MGAT4C: variants seen among roughly 807,000 people sequenced by gnomAD.
The protein encoded by MGAT4C is MGAT4 family member C, also known as alpha-1,3-mannosyl-glycoprotein 4-beta-N-acetylglucosaminyltransferase C.
In MGAT4C, 19 loss-of-function variants were observed where a neutral mutation model predicts 40.1. That is an observed-to-expected ratio of 0.47 (90% CI 0.33 to 0.70). The LOEUF is 0.70. Among genes scored for constraint, MGAT4C ranks in the 30% least tolerant of loss-of-function variants. The pLI is 0.02. For missense variants in MGAT4C, 491 were observed against 563.2 expected (o/e 0.87, Z 1.30); for synonymous variants, 181 against 187.1 (o/e 0.97, Z 0.27).
In MGAT4C at chr12:86,497,433, T is replaced by C. The variant is rs527718594; in HGVS notation, c.-228-62168A>G. 5.9e-5 allele frequency among the ~76,000 whole-genome samples: 9 copies of C among 152,024 alleles called. No homozygotes were observed. In the South Asian group the frequency reaches 1.7e-3, roughly 28 times the overall value. The stretch of plus-strand genomic sequence containing the variant: ...ATAATAATGTTAAAAACAAGGAAAT[T>C]GTTACTTTTATTGTGCTCATTGATA... On this transcript the variant is annotated intron_variant, in intron 2 of 7. Coordinates refer to the MGAT4C transcript ENST00000548651.
At chr12:86,520,685 T>C (rs755154203) in intron 2 of MGAT4C, among the ~76,000 whole-genome samples, 6 of 152,170 alleles carry the variant, frequency 3.9e-5, no homozygotes, top group Admixed American at 6.5e-5. Flanking sequence ...CTAATTTATA[T>C]TCCCATCAAC....
At chr12:86,801,954 C>T (rs944129679) in intron 1 of MGAT4C, among the ~76,000 whole-genome samples, 3 of 151,702 alleles carry the variant, frequency 2.0e-5, no homozygotes, top group Admixed American at 1.3e-4. Context: ...TCAAACTGGC[C>T]CATTGTTTTC....
intron 2 of MGAT4C, among the ~76,000 whole-genome samples, chr12:86,019,707 G>T (rs1426175608): frequency 6.6e-6 from 1 of 152,232 alleles, no homozygotes; most frequent in African/African-American, 2.4e-5. Context: ...CTTTAAAGTA[G>T]TTTTTTCCAA....
rs1883023674 is a variant in MGAT4C, at chr12:85,959,982, T to C, written c.*19307A>G. 6.6e-6 allele frequency: 1 copy of C among 152,036 alleles called. No individual in the cohort carries two copies. The highest frequency in any genetic ancestry group is 1.5e-5 in the Non-Finnish European group (1 of 67,950). The allele number at this position is 152,036 out of a possible 1,614,324, so 9.4% of individuals were successfully genotyped here. On this transcript the variant is annotated 3_prime_UTR_variant, in exon 5 of 5. Transcript: ENST00000611864. Reference sequence around the variant, plus strand: ...AGATAATATCCTATTCTCCTTTTCTTATGGTTTTATTGTGAAGATCTGTGC... The same window carrying C: ...AGATAATATCCTATTCTCCTTTTCTCATGGTTTTATTGTGAAGATCTGTGC...
chr12:86,655,475 C>T (rs1963823414), intron 2 of MGAT4C, among the ~76,000 whole-genome samples: 1 of 152,028 alleles, frequency 6.6e-6, no homozygotes, highest in Admixed American at 6.6e-5. Flanking sequence ...GCACTCAGTC[C>T]TGGGCTTTCT....
chr12:86,498,628 G>C (rs950720612), intron 2 of MGAT4C, among the ~76,000 whole-genome samples: 14 of 151,880 alleles, frequency 9.2e-5, no homozygotes, highest in Admixed American at 8.6e-4. Context: ...AATAATAACT[G>C]CATAAAATTA....
At chr12:86,022,004 AT>A (rs1487553140) in intron 2 of MGAT4C, among the ~76,000 whole-genome samples, 2 of 152,216 alleles carry the variant, frequency 1.3e-5, no homozygotes, top group Non-Finnish European at 2.9e-5. Context: ...ATTACGAATC[AT>A]TTTCCTGTTT....
intron 1 of MGAT4C, among the ~76,000 whole-genome samples, chr12:86,804,743 G>A (rs921393957): frequency 7.9e-5 from 12 of 151,876 alleles, no homozygotes; most frequent in African/African-American, 2.9e-4. Context: ...AAAGAAATTT[G>A]CACATTTCTC....
At chr12:86,475,014 T>C (rs1286425845) in intron 2 of MGAT4C, among the ~76,000 whole-genome samples, 4 of 152,258 alleles carry the variant, frequency 2.6e-5, no homozygotes, top group South Asian at 4.1e-4. Flanking sequence ...AGCACTTAAC[T>C]GAATATATGT....
chr12:86,441,778 G>A (rs1027709620), intron 2 of MGAT4C, among the ~76,000 whole-genome samples: 9 of 151,834 alleles, frequency 5.9e-5, no homozygotes, highest in Admixed American at 3.3e-4. Context: ...CCAAGTCTTC[G>A]CTATTGTGAA....
In MGAT4C at chr12:86,493,698, T is replaced by C. The variant is rs537531480; in HGVS notation, c.-228-58433A>G. On this transcript the variant is annotated intron_variant, in intron 2 of 7. Transcript: ENST00000548651. Reference sequence around the variant, plus strand: ...GCATTAGGAGATATACCTAATGCTATATGACGAGTTAATGGATGCAGCACA... The same window carrying C: ...GCATTAGGAGATATACCTAATGCTACATGACGAGTTAATGGATGCAGCACA... Among the ~76,000 whole-genome samples, 497 of 151,910 alleles carry C rather than the reference T, an allele frequency of 3.3e-3. 2 individuals are homozygous for C. The highest frequency in any genetic ancestry group is 0.012 in the African/African-American group (480 of 41,430).
At chr12:86,442,999 T>A (rs1256198327) in intron 2 of MGAT4C, among the ~76,000 whole-genome samples, 1 of 152,140 alleles carries the variant, frequency 6.6e-6, no homozygotes, top group Non-Finnish European at 1.5e-5. Context: ...TTGTGTACAT[T>A]GTTCTTTAGA....
chr12:86,568,442 G>A (rs1960224461), intron 2 of MGAT4C, among the ~76,000 whole-genome samples: 1 of 151,684 alleles, frequency 6.6e-6, no homozygotes, highest in South Asian at 2.1e-4. Flanking sequence ...TACTTTTGAG[G>A]TTTTGAGACA....
At chr12:86,428,256 A>G (rs998945694) in intron 3 of MGAT4C, among the ~76,000 whole-genome samples, 1 of 152,174 alleles carries the variant, frequency 6.6e-6, no homozygotes, top group Non-Finnish European at 1.5e-5. Flanking sequence ...AGTTTAGGTT[A>G]ATTGCTCAAG....
chr12:86,748,621 G>A (rs1056719594), intron 1 of MGAT4C, among the ~76,000 whole-genome samples: 1 of 151,466 alleles, frequency 6.6e-6, no homozygotes, highest in African/African-American at 2.4e-5. Context: ...GAGTAGTCAG[G>A]GTCAGAAATA....
At chr12:86,766,506 C>A (rs1349852319) in intron 1 of MGAT4C, among the ~76,000 whole-genome samples, 2 of 152,020 alleles carry the variant, frequency 1.3e-5, no homozygotes, top group Non-Finnish European at 2.9e-5. Flanking sequence ...CTCAGCTCTG[C>A]ACCAAGCAGA....
intron 4 of MGAT4C, among the ~76,000 whole-genome samples, chr12:86,315,628 C>A (rs1050173243): frequency 1.3e-5 from 2 of 152,128 alleles, no homozygotes; most frequent in Non-Finnish European, 2.9e-5. Flanking sequence ...ATGGCATGAA[C>A]CCGGGAGGCG....
At chr12:86,259,296 C>T (rs1288570763), upstream of MGAT4C, among the ~76,000 whole-genome samples, 1 of 151,966 alleles carries the variant, frequency 6.6e-6, no homozygotes, top group African/African-American at 2.4e-5. Context: ...GATACTTGGA[C>T]ATCAGTCTGC....
intron 3 of MGAT4C, among the ~76,000 whole-genome samples, chr12:86,430,255 A>C (rs1957007560): frequency 6.6e-6 from 1 of 152,006 alleles, no homozygotes; most frequent in South Asian, 2.1e-4. Flanking sequence ...AGATTTCTAG[A>C]TCTCCATTTC....
Sources: gnomAD v4.1 joint callset for allele counts (sites outside exome capture counted in the v4.1 genomes callset) on GRCh38, gnomAD v4.1.1 for gene constraint, MANE v1.5 for transcripts, NCBI Gene and HGNC (gene_info 2026-07-23, HGNC 2026-07-21) for gene names.